The following ETV1 variants were observed in gnomAD, a reference collection of about 807,000 sequenced individuals.
ETV1 encodes ETS translocation variant 1.
ETV1 carries 27 observed loss-of-function variants against 62.3 expected under a neutral mutation model. The observed-to-expected ratio is 0.43, with a 90% CI of 0.32 to 0.60. The LOEUF (loss-of-function observed/expected upper bound fraction) is 0.60, where lower values mean the gene tolerates loss of function less well. Among genes scored for constraint, ETV1 ranks in the 20% least tolerant of loss-of-function variants. The pLI is 0.06. For missense variants in ETV1, 605 were observed against 605.8 expected, an observed-to-expected ratio of 1.00 and a Z score of 0.01; for synonymous variants, 222 against 199.6, an observed-to-expected ratio of 1.11 and a Z score of -0.94.
intron 5 of ETV1, among the ~76,000 whole-genome samples, chr7:13,980,117 T>G (rs890800584): frequency 6.6e-6 from 1 of 152,186 alleles, no homozygotes; most frequent in African/African-American, 2.4e-5. Flanking sequence ...CTGAACATAT[T>G]ACAGAATTTT....
At chr7:13,943,884 A>C (rs1019995581) in intron 6 of ETV1, among the ~76,000 whole-genome samples, 1 of 152,204 alleles carries the variant, frequency 6.6e-6, no homozygotes, top group African/African-American at 2.4e-5. Flanking sequence ...AAAAACTCTG[A>C]GGGACATTAA....
In ETV1 at chr7:13,909,715, G is replaced by C. The variant is rs755467889; in HGVS notation, c.872-15C>G. The C allele has an allele frequency of 4.4e-6, 7 of 1,596,034 alleles. No individual in the cohort carries two copies. Among genetic ancestry groups the C allele is most frequent in the Non-Finnish European group, 5.2e-6 (6 of 1,164,198 alleles). On this transcript the variant is annotated splice_polypyrimidine_tract_variant and intron_variant, in intron 10 of 13. Transcript: ENST00000430479. ...AAACATACAGCCTGTGGATGAAAAA[G>C]GAATACATTTATTCATGATAGAAAT...
At chr7:13,907,087 A>G (rs1251198651) in intron 11 of ETV1, among the ~76,000 whole-genome samples, 6 of 152,166 alleles carry the variant, frequency 3.9e-5, no homozygotes, top group African/African-American at 1.4e-4. Flanking sequence ...CTCATGAAAA[A>G]CTATTGAAAA....
chr7:13,986,213 A>G (rs762301875), intron 5 of ETV1: 1 of 1,567,264 alleles, frequency 6.4e-7, no homozygotes. Flanking sequence ...AATTTCTGCC[A>G]TCAGAAAAGT....
At chr7:13,988,869 G>A in intron 3 of ETV1, 139 bp downstream of exon 3, 1 of 1,571,300 alleles carries the variant, frequency 6.4e-7, no homozygotes, top group Non-Finnish European at 8.7e-7. Context: ...TCTAGAAGCA[G>A]AGTCGCCCTA....
intron 9 of ETV1, among the ~76,000 whole-genome samples, chr7:13,928,152 T>C (rs10224782): frequency 6.6e-6 from 1 of 152,094 alleles, no homozygotes; most frequent in Admixed American, 6.5e-5. Context: ...AATGTAATTC[T>C]TACAGCACAA....
chr7:13,989,517 C>G, intron 1 of ETV1, 46 bp downstream of exon 1: 1 of 399,864 alleles, frequency 2.5e-6, no homozygotes, highest in Non-Finnish European at 4.4e-6. Flanking sequence ...GACCCACAAC[C>G]ATGCAATTAT....
In ETV1 at chr7:13,989,429, T is replaced by C. The variant is rs768560923; in HGVS notation, c.-249A>G. The C allele has an allele frequency of 4.7e-6, 2 of 429,882 alleles. No homozygotes were observed. Among genetic ancestry groups the C allele is most frequent in the South Asian group, 7.8e-5 (1 of 12,782 alleles). 26.6% of individuals were successfully genotyped at this position (429,882 alleles called of 1,614,324 possible). On this transcript the variant is annotated 5_prime_UTR_variant, in exon 2 of 14. Transcript: ENST00000430479. ...TCGCAAACGTGTGCAAAACTAGCAA[T>C]GGCGATCAACGAGACTTGCTTTGCA...
chr7:13,986,326 C>A (rs1782546552), intron 5 of ETV1: 1 of 1,494,954 alleles, frequency 6.7e-7, no homozygotes. Context: ...ATAATATAAA[C>A]CTGATCAATT....
intron 6 of ETV1, among the ~76,000 whole-genome samples, chr7:13,945,443 AT>A (rs77650876): frequency 0.34 from 49,655 of 148,218 alleles, 8,315 homozygotes; most frequent in East Asian, 0.42. Flanking sequence ...CTTGAAACTG[AT>A]TTTTTTTTTT....
At position 13,986,089 on chromosome 7, in the gene ETV1, T is replaced by C. The variant is rs775576276; in HGVS notation, c.181+549A>G. ...ATATCTCCCATTTATTTTAAACCCA[T>C]AGATTTCCTAAGCATTAGATACACA... is the stretch of plus-strand genomic sequence containing the variant. On this transcript the variant is annotated intron_variant, in intron 5 of 13. Coordinates refer to ENST00000430479, the MANE Select transcript of ETV1 (RefSeq NM_004956.5). 39 of 1,519,780 alleles carry C rather than the reference T, an allele frequency of 2.6e-5. No individual in the cohort carries two copies. In the South Asian group the frequency reaches 4.4e-4, roughly 17 times the overall value. 94.1% of individuals were successfully genotyped at this position (1,519,780 alleles called of 1,614,324 possible).
intron 6 of ETV1, among the ~76,000 whole-genome samples, chr7:13,971,255 G>A (rs944351308): frequency 6.6e-6 from 1 of 152,228 alleles, no homozygotes; most frequent in Non-Finnish European, 1.5e-5. Context: ...ACAGGCGTGA[G>A]CCAATGTGCC....
chr7:13,971,082 C>G (rs1210240768), intron 6 of ETV1, among the ~76,000 whole-genome samples: 2 of 152,164 alleles, frequency 1.3e-5, no homozygotes, highest in African/African-American at 4.8e-5. Context: ...AGCAATTCTC[C>G]TGCCTCAGCC....
intron 11 of ETV1, chr7:13,907,671 T>G (rs1583583148): frequency 3.4e-6 from 1 of 297,576 alleles, no homozygotes; most frequent in African/African-American, 2.2e-5. Context: ...TATGTCATTG[T>G]TAGTGCATAA....
intron 6 of ETV1, among the ~76,000 whole-genome samples, chr7:13,976,686 A>C (rs1781483369): frequency 6.6e-6 from 1 of 152,248 alleles, no homozygotes; most frequent in African/African-American, 2.4e-5. Context: ...GTTAGCTGGT[A>C]GAATGGCAGA....
rs1288074041 is a variant in ETV1, at chr7:13,939,127, A to G, written c.355T>C (p.Tyr119His). 14 of 1,612,892 alleles carry G rather than the reference A, an allele frequency of 8.7e-6. No individual in the cohort carries two copies. The highest frequency in any genetic ancestry group is 1.1e-5 in the South Asian group (1 of 90,834). The change falls in exon 7 of 14, where the codon TAC (tyrosine) becomes CAC (histidine). Residue 119 changes from tyrosine (Y) to histidine (H), a missense_variant. This residue lies in a region of ETV1 where 426 missense variants were observed against 377.8 expected (regional missense o/e 1.13). Transcript: ENST00000430479. ...ACCTGGTGGCTTTACCTGACATTGT[A>G]CAGGCACTTTTCTCCATAGCTGAAT... ...FKFSYGEKCL[Y>H]NVSAYDQKPQ...
chr7:13,930,864 G>A (rs946523998), intron 9 of ETV1, among the ~76,000 whole-genome samples: 4 of 150,826 alleles, frequency 2.7e-5, no homozygotes, highest in East Asian at 2.0e-4. Context: ...GCAGTGGTGC[G>A]ATCTCGGCTC....
At chr7:13,901,522 T>A (rs1400052223) in intron 12 of ETV1, among the ~76,000 whole-genome samples, 1 of 150,860 alleles carries the variant, frequency 6.6e-6, no homozygotes, top group Non-Finnish European at 1.5e-5. Context: ...AAACTATAGA[T>A]AAAGAGCAGC....
chr7:13,940,593 C>G (rs913799054), intron 6 of ETV1, among the ~76,000 whole-genome samples: 1 of 152,054 alleles, frequency 6.6e-6, no homozygotes, highest in East Asian at 1.9e-4. Flanking sequence ...AACAGAGACA[C>G]ACGTTCTGGA....
Sources: allele counts gnomAD v4.1 joint callset (sites outside exome capture counted in the v4.1 genomes callset), GRCh38; gene constraint gnomAD v4.1.1; regional missense constraint gnomAD v4.1.1; transcripts MANE v1.5; gene names NCBI Gene and HGNC (gene_info 2026-07-23, HGNC 2026-07-21).